KCNIP4: variants seen among roughly 807,000 people sequenced by gnomAD.
KCNIP4 encodes the protein Kv channel-interacting protein 4.
KCNIP4 carries 12 observed loss-of-function variants against 34.0 expected under a neutral mutation model. That is an observed-to-expected ratio of 0.35 (90% CI 0.23 to 0.57). KCNIP4 has a LOEUF of 0.57. Ranked by LOEUF, KCNIP4 falls within the 20% of genes least tolerant of loss-of-function variation. The pLI is 0.83. For synonymous variants in KCNIP4, 124 were observed against 102.2 expected (o/e 1.21, Z -1.29); for missense variants, 238 against 311.7 (o/e 0.76, Z 1.78).
At chr4:21,251,607 T>A (rs1577965465) in intron 1 of KCNIP4, among the ~76,000 whole-genome samples, 1 of 152,140 alleles carries the variant, frequency 6.6e-6, no homozygotes, top group South Asian at 2.1e-4. Context: ...TAAAATGTTT[T>A]GAATCATAAA....
chr4:21,273,379 C>T (rs1279720675), intron 1 of KCNIP4, among the ~76,000 whole-genome samples: 1 of 152,078 alleles, frequency 6.6e-6, no homozygotes, highest in Non-Finnish European at 1.5e-5. Flanking sequence ...TGAGTTATCT[C>T]CCACAGAAAG....
In KCNIP4 at chr4:21,519,691, C is replaced by CACACGTGTGTGTATGTATGTGTATATAT. The variant is rs1560480691; in HGVS notation, c.61+428852_61+428879dup. On this transcript the variant is annotated intron_variant, in intron 1 of 8. Transcript: ENST00000382152. ...ACGTGTGTGTATGTATGTGTATATACACACGTGTGTGTATGTATGTGTATA... is the reference window on the plus strand; with the variant it reads ...ACGTGTGTGTATGTATGTGTATATACACACGTGTGTGTATGTATGTGTATATATACACGTGTGTGTATGTATGTGTATA... Among the ~76,000 whole-genome samples the CACACGTGTGTGTATGTATGTGTATATAT allele has an allele frequency of 2.6e-3, 348 of 133,772 alleles. 12 individuals carry two copies. The highest frequency in any genetic ancestry group is 0.023 in the Admixed American group (299 of 13,070). The allele number at this position is 133,772 out of a possible 152,430, so 87.8% of individuals were successfully genotyped here. A position where few individuals can be genotyped will look rare whatever the true frequency, so the allele number is the denominator to read the frequency against.
intron 1 of KCNIP4, among the ~76,000 whole-genome samples, chr4:20,904,556 A>G (rs1471428833): frequency 6.6e-6 from 1 of 152,028 alleles, no homozygotes; most frequent in Non-Finnish European, 1.5e-5. Flanking sequence ...TTTATTATTG[A>G]TTTTTAAATG....
intron 1 of KCNIP4, among the ~76,000 whole-genome samples, chr4:20,919,914 T>C (rs375885126): frequency 3.3e-5 from 5 of 152,122 alleles, no homozygotes; most frequent in South Asian, 4.2e-4. Flanking sequence ...TAACCCTACA[T>C]TGGTAATTAG....
At chr4:21,505,415 T>C (rs1473448130) in intron 1 of KCNIP4, among the ~76,000 whole-genome samples, 1 of 152,146 alleles carries the variant, frequency 6.6e-6, no homozygotes, top group Non-Finnish European at 1.5e-5. Flanking sequence ...CCCTTATGTA[T>C]CCCAACAACT....
At chr4:21,600,728 T>C (rs954947369) in intron 1 of KCNIP4, among the ~76,000 whole-genome samples, 1 of 152,128 alleles carries the variant, frequency 6.6e-6, no homozygotes, top group African/African-American at 2.4e-5. Context: ...GATTTCCCCA[T>C]GGTTGTGAGC....
intron 1 of KCNIP4, among the ~76,000 whole-genome samples, chr4:21,434,539 C>G (rs1726778337): frequency 6.6e-6 from 1 of 152,054 alleles, no homozygotes; most frequent in Admixed American, 6.6e-5. Context: ...CTGTTAGGAA[C>G]CGAGCAGCAC....
intron 1 of KCNIP4, among the ~76,000 whole-genome samples, chr4:21,359,072 T>G: frequency 6.6e-6 from 1 of 151,912 alleles, no homozygotes; most frequent in East Asian, 1.9e-4. Context: ...CAAAATAAAC[T>G]TCCTAAGACC....
chr4:21,070,663 A>ATTTTTT (rs1203011253), intron 1 of KCNIP4, among the ~76,000 whole-genome samples: 10 of 49,620 alleles, frequency 2.0e-4, no homozygotes, highest in Non-Finnish European at 2.6e-4. Flanking sequence ...GAGTTTTGAG[A>ATTTTTT]TTTTTTTTTT....
At chr4:21,504,474 AAAAAG>A (rs1560466909) in intron 1 of KCNIP4, among the ~76,000 whole-genome samples, 6 of 133,202 alleles carry the variant, frequency 4.5e-5, no homozygotes, top group Non-Finnish European at 6.2e-5. Flanking sequence ...TCAAAAAAAA[AAAAAG>A]AAAGAAAGAA....
intron 1 of KCNIP4, among the ~76,000 whole-genome samples, chr4:21,018,116 G>C (rs1404001986): frequency 6.6e-6 from 1 of 152,120 alleles, no homozygotes; most frequent in African/African-American, 2.4e-5. Flanking sequence ...CTACTTTCTT[G>C]AATTATCCTC....
intron 2 of KCNIP4, among the ~76,000 whole-genome samples, chr4:20,867,444 A>C (rs570797253): frequency 1.2e-4 from 18 of 152,222 alleles, no homozygotes; most frequent in South Asian, 6.2e-4. Flanking sequence ...CTATTCAATA[A>C]ATGGAGCTGG....
At chr4:21,050,040 C>T (rs904170525) in intron 1 of KCNIP4, among the ~76,000 whole-genome samples, 2 of 152,150 alleles carry the variant, frequency 1.3e-5, no homozygotes. Context: ...TGTTTGTTTT[C>T]CTATTAGTTG....
rs866442219 is a variant in KCNIP4, at chr4:21,512,293, G to A, written c.61+436278C>T. Among the ~76,000 whole-genome samples, 54 of 152,186 alleles carry A rather than the reference G, an allele frequency of 3.5e-4. 1 individual carries two copies. Among genetic ancestry groups the A allele is most frequent in the Middle Eastern group, 6.8e-3 (2 of 292 alleles). On this transcript the variant is annotated intron_variant, in intron 1 of 8. Transcript: ENST00000382152. ...GCCTTTCTTAAAGTGACCACATTTT[G>A]AACTGAGTTCATTACCCAAGCAGTC...
At chr4:21,211,334 G>C (rs2108978073) in intron 1 of KCNIP4, among the ~76,000 whole-genome samples, 1 of 152,294 alleles carries the variant, frequency 6.6e-6, no homozygotes, top group Admixed American at 6.5e-5. Flanking sequence ...ACCTGTACCA[G>C]TGTGTGTCCT....
chr4:21,732,976 G>A (rs1460255442), intron 1 of KCNIP4, among the ~76,000 whole-genome samples: 1 of 152,042 alleles, frequency 6.6e-6, no homozygotes, highest in Non-Finnish European at 1.5e-5. Flanking sequence ...AAGATAACAT[G>A]TTTTAAGAGA....
chr4:21,491,461 G>A (rs10002399), intron 1 of KCNIP4, among the ~76,000 whole-genome samples: 5,756 of 152,212 alleles, frequency 0.038, 325 homozygotes, highest in African/African-American at 0.12. Context: ...TGCAGCCTTG[G>A]TCTTCTGGGT....
At chr4:21,497,764 C>A (rs1459664709) in intron 1 of KCNIP4, among the ~76,000 whole-genome samples, 1 of 152,064 alleles carries the variant, frequency 6.6e-6, no homozygotes, top group African/African-American at 2.4e-5. Context: ...ATTCATAATT[C>A]TACTTATATA....
At chr4:21,710,682 T>C (rs1425834843) in intron 1 of KCNIP4, among the ~76,000 whole-genome samples, 1 of 152,214 alleles carries the variant, frequency 6.6e-6, no homozygotes, top group African/African-American at 2.4e-5. Context: ...GGCTTGTGTC[T>C]GGCTCTCTCA....
Sources: allele counts gnomAD v4.1 joint callset (sites outside exome capture counted in the v4.1 genomes callset), GRCh38; gene constraint gnomAD v4.1.1; transcripts MANE v1.5; gene names NCBI Gene and HGNC (gene_info 2026-07-23, HGNC 2026-07-21).